CYFIP1: variants seen among roughly 807,000 people sequenced by gnomAD.
CYFIP1 encodes cytoplasmic FMR1 interacting protein 1, also known as cytoplasmic FMR1-interacting protein 1.
A neutral mutation model predicts 163.5 loss-of-function variants in CYFIP1; 58 were observed. The ratio of observed to expected loss-of-function variants is 0.35; its 90% CI spans 0.29 to 0.44. The LOEUF is 0.44. Ranked by LOEUF, CYFIP1 falls within the 20% of genes least tolerant of loss-of-function variation. The pLI is 1.00. For missense variants in CYFIP1, 1,338 were observed against 1,653.8 expected (o/e 0.81, Z 3.31); for synonymous variants, 663 against 660.7 (o/e 1.00, Z -0.05).
intron 9 of CYFIP1, among the ~76,000 whole-genome samples, chr15:22,934,831 T>G (rs1198222715): frequency 6.6e-6 from 1 of 150,986 alleles, no homozygotes; most frequent in Non-Finnish European, 1.5e-5. Flanking sequence ...ACAATCAGAA[T>G]ACAAAAACTT....
At chr15:22,930,229 A>C (rs981139673) in intron 11 of CYFIP1, among the ~76,000 whole-genome samples, 3 of 150,206 alleles carry the variant, frequency 2.0e-5, no homozygotes, top group African/African-American at 4.9e-5. Context: ...AACACAAAAA[A>C]ACACACACAC....
At chr15:22,917,000 G>C in intron 15 of CYFIP1, 1 of 1,550,850 alleles carries the variant, frequency 6.4e-7, no homozygotes, top group Non-Finnish European at 8.7e-7. Flanking sequence ...CAGAGCCCAA[G>C]GACTCGGCCA....
intron 1 of CYFIP1, among the ~76,000 whole-genome samples, chr15:22,956,324 A>T (rs943840102): frequency 2.0e-5 from 3 of 152,140 alleles, no homozygotes; most frequent in Non-Finnish European, 4.4e-5. Context: ...TCAGTAGGTC[A>T]TAACCCTGAG....
chr15:22,910,858 A>G, intron 18 of CYFIP1, 45 bp from the exon 19 acceptor site: 2 of 1,499,162 alleles, frequency 1.3e-6, no homozygotes, highest in Non-Finnish European at 1.8e-6. Context: ...TCCCTAAAGC[A>G]AGATCAAATA....
At chr15:22,971,257 G>A (rs895841711) in intron 1 of CYFIP1, among the ~76,000 whole-genome samples, 3 of 152,178 alleles carry the variant, frequency 2.0e-5, no homozygotes, top group Non-Finnish European at 4.4e-5. Context: ...AGAATTAATA[G>A]ACCAGGTGCT....
Position 22,932,322 on chromosome 15 carries a change from G to A in CYFIP1, c.1011C>T (p.Ser337=), listed in dbSNP as rs143729623. 26 of 1,607,740 alleles carry A rather than the reference G, an allele frequency of 1.6e-5. No homozygotes were observed. The highest frequency in any genetic ancestry group is 1.6e-4 in the Middle Eastern group (1 of 6,072). Residue 337 remains serine (S), a synonymous_variant, in exon 11 of 31, where the codon TCC becomes TCT. Transcript: ENST00000617928. ...AGATGTTGTACTGAGGGCTGCTGCC[G>A]GAGGATGTGCACGTCCATCTGTGCA... The part of the protein sequence containing the change: ...ENKSRWTCTS[S]GSSPQYNICE...
At chr15:22,909,377 G>A (rs984337644) in intron 20 of CYFIP1, 64 bp from the exon 21 acceptor site, 15 of 1,594,516 alleles carry the variant, frequency 9.4e-6, no homozygotes, top group Admixed American at 3.4e-5. Flanking sequence ...AACAACAAAC[G>A]CCTCACCAGA....
Position 22,867,355 on chromosome 15 carries a change from A to C in CYFIP1, c.*2673T>G, listed in dbSNP as rs888007522. The stretch of plus-strand genomic sequence containing the variant: ...TTGAAATATTTATTAAGGGAAAACT[A>C]AGTTACTGAATGAAGGAACCTCTTT... On this transcript the variant is annotated 3_prime_UTR_variant, in exon 31 of 31. Transcript: ENST00000617928. 7.6e-6 allele frequency: 3 copies of C among 394,640 alleles called. No individual in the cohort carries two copies. The highest frequency in any genetic ancestry group is 1.3e-5 in the Non-Finnish European group (3 of 224,064). 24.4% of individuals were successfully genotyped at this position (394,640 alleles called of 1,614,324 possible).
chr15:22,890,163 T>C (rs1328892306), intron 23 of CYFIP1, among the ~76,000 whole-genome samples: 1 of 150,902 alleles, frequency 6.6e-6, no homozygotes, highest in Non-Finnish European at 1.5e-5. Context: ...ATACAAAAAA[T>C]TGTCCGGGCA....
At chr15:22,894,728 T>C (rs2060180883) in intron 22 of CYFIP1, among the ~76,000 whole-genome samples, 1 of 151,196 alleles carries the variant, frequency 6.6e-6, no homozygotes, top group Non-Finnish European at 1.5e-5. Context: ...ACTGTTGAAG[T>C]AATGCAATTA....
chr15:22,888,902 G>T (rs138727647), intron 23 of CYFIP1, among the ~76,000 whole-genome samples: 2,156 of 151,976 alleles, frequency 0.014, 31 homozygotes, highest in Middle Eastern at 0.11. Flanking sequence ...TTGGCCAGGC[G>T]TGGTGGCACA....
At chr15:22,980,627 G>A (rs1201304102), upstream of CYFIP1, among the ~76,000 whole-genome samples, 1 of 152,042 alleles carries the variant, frequency 6.6e-6, no homozygotes, top group Non-Finnish European at 1.5e-5. Flanking sequence ...GAGCGGGCGT[G>A]GGGTCCTCCT....
At chr15:22,948,474 A>T (rs960693867) in intron 1 of CYFIP1, among the ~76,000 whole-genome samples, 6 of 152,140 alleles carry the variant, frequency 3.9e-5, no homozygotes, top group African/African-American at 1.2e-4. Flanking sequence ...TGCTTTCTAA[A>T]ATAAAAATAT....
intron 1 of CYFIP1, among the ~76,000 whole-genome samples, chr15:22,948,886 A>G (rs991710275): frequency 7.9e-5 from 9 of 114,188 alleles, no homozygotes; most frequent in African/African-American, 2.9e-4. Context: ...TCTGAATACC[A>G]GAGAGAAAAA....
chr15:22,979,083 C>T (rs750001280), intron 1 of CYFIP1, among the ~76,000 whole-genome samples: 2 of 152,168 alleles, frequency 1.3e-5, no homozygotes, highest in Non-Finnish European at 2.9e-5. Flanking sequence ...AGGAAACGTC[C>T]TCCGCCACGA....
chr15:22,878,796 G>A (rs559375634), intron 26 of CYFIP1, among the ~76,000 whole-genome samples: 2 of 151,536 alleles, frequency 1.3e-5, no homozygotes, highest in East Asian at 1.9e-4. Flanking sequence ...AAGAATTTAC[G>A]ATATGTGCAG....
chr15:22,882,966 A>C lies in CYFIP1; in HGVS notation c.2722T>G (p.Phe908Val). The C allele has an allele frequency of 6.2e-7, 1 of 1,614,048 alleles. No homozygotes were observed. The highest frequency in any genetic ancestry group is 8.5e-7 in the Non-Finnish European group (1 of 1,179,936). ...ACTTGAAAGTGTGGAGGTCCCACGA[A>C]GTTCCGGTAGCTGCCGTAAATGCTG... ...YSSIYGSYRN[F>V]VGPPHFQVIC... is the part of the protein sequence containing the mutation. Residue 908 changes from phenylalanine to valine, a missense_variant, in exon 24 of 31, where the codon TTC becomes GTC. By Grantham distance (50) the Phe-to-Val change is conservative (BLOSUM62 -1). This residue lies in a region of CYFIP1 where 824 missense variants were observed against 995.7 expected (regional missense o/e 0.83). Transcript: ENST00000617928.
intron 3 of CYFIP1, among the ~76,000 whole-genome samples, chr15:22,945,572 A>C (rs1456082345): frequency 6.8e-6 from 1 of 146,484 alleles, no homozygotes; most frequent in Non-Finnish European, 1.5e-5. Context: ...GACGTTCATC[A>C]CAGTATTTTT....
At chr15:22,969,940 T>C (rs2063034878) in intron 1 of CYFIP1, among the ~76,000 whole-genome samples, 1 of 152,218 alleles carries the variant, frequency 6.6e-6, no homozygotes, top group African/African-American at 2.4e-5. Context: ...GTAGTCCCTC[T>C]GTGCCTCATA....
Sources: allele counts gnomAD v4.1 joint callset (sites outside exome capture counted in the v4.1 genomes callset), GRCh38; gene constraint gnomAD v4.1.1; regional missense constraint gnomAD v4.1.1; transcripts MANE v1.5; gene names NCBI Gene and HGNC (gene_info 2026-07-23, HGNC 2026-07-21).